Variants in CNTNAP3B observed in about 807,000 individuals in gnomAD.
CNTNAP3B encodes contactin-associated protein-like 3B.
In CNTNAP3B, 25 loss-of-function variants were observed where a neutral mutation model predicts 108.9. The observed-to-expected ratio is 0.23, with a 90% confidence interval of 0.17 to 0.32. The LOEUF is 0.32. Ranked by LOEUF, CNTNAP3B falls within the 10% of genes least tolerant of loss-of-function variation. The probability of loss-of-function intolerance (pLI) is 1.00; values close to 1 mark genes in which losing one functional copy is unlikely to be tolerated. For missense variants in CNTNAP3B, 252 were observed against 1,210.4 expected, an observed-to-expected ratio of 0.21 and a Z score of 11.75; for synonymous variants, 103 against 473.4, an observed-to-expected ratio of 0.22 and a Z score of 10.16.
At chr9:42,063,732 CTT>C (rs1019985886) in intron 3 of CNTNAP3B, among the ~76,000 whole-genome samples, 1 of 137,542 alleles carries the variant, frequency 7.3e-6, no homozygotes, top group Admixed American at 7.2e-5. Context: ...CTCTATATCT[CTT>C]TCTTTACAAT....
chr9:41,940,736 A>T (rs1587125817), intron 13 of CNTNAP3B, among the ~76,000 whole-genome samples: 1 of 151,960 alleles, frequency 6.6e-6, no homozygotes, highest in Non-Finnish European at 1.5e-5. Flanking sequence ...AATGGCGTGA[A>T]CCCGGGAGGC....
chr9:41,959,643 G>T (rs1234869820), intron 12 of CNTNAP3B, among the ~76,000 whole-genome samples: 1 of 152,308 alleles, frequency 6.6e-6, no homozygotes, highest in African/African-American at 2.4e-5. Flanking sequence ...GAACGCCTGT[G>T]TTTCTTTATC....
At chr9:42,055,336 G>A (rs1320471788) in intron 3 of CNTNAP3B, among the ~76,000 whole-genome samples, 1 of 135,502 alleles carries the variant, frequency 7.4e-6, no homozygotes, top group Non-Finnish European at 1.6e-5. Context: ...ATTTCAAATG[G>A]GAGAATATCT....
rs1313208567 is a variant in CNTNAP3B, at chr9:41,934,140, T to TAC, written c.2237+4102_2237+4103dup. On this transcript the variant is annotated intron_variant, in intron 14 of 23. Coordinates refer to ENST00000377561, the MANE Select transcript of CNTNAP3B (RefSeq NM_001201380.3). ...ATATATATACACACACATATATATA[T>TAC]ACACACACATATATATACACACACA... Among the ~76,000 whole-genome samples the TAC allele has an allele frequency of 3.4e-4, 38 of 113,378 alleles. 1 individual carries two copies. Among genetic ancestry groups the TAC allele is most frequent in the South Asian group, 3.1e-3 (12 of 3,812 alleles). The allele number at this position is 113,378 out of a possible 152,430, so 74.4% of individuals were successfully genotyped here. A position where few individuals can be genotyped will look rare whatever the true frequency, so the allele number is the denominator to read the frequency against.
chr9:41,949,275 G>A (rs1334560912), intron 13 of CNTNAP3B, among the ~76,000 whole-genome samples: 1,004 of 65,216 alleles, frequency 0.015, no homozygotes, highest in East Asian at 0.029. Context: ...GATATCTCAT[G>A]TTCATGGATT....
In CNTNAP3B at chr9:42,043,309, A is replaced by G. The variant is rs1826804922; in HGVS notation, c.391-29784T>C. Among the ~76,000 whole-genome samples, 4 of 103,928 alleles carry G rather than the reference A, an allele frequency of 3.8e-5. 2 individuals carry two copies. The South Asian group carries it at 1.2e-3, about 30-fold the overall frequency. The allele number at this position is 103,928 out of a possible 152,430, so 68.2% of individuals were successfully genotyped here. On this transcript the variant is annotated intron_variant, in intron 3 of 23. Coordinates refer to ENST00000377561, the MANE Select transcript of CNTNAP3B (RefSeq NM_001201380.3). ...TAGCCTCCCGAGTAGCTGGGATTAT[A>G]GATGCCTGCCACCAAGCCCAGCTAA...
intron 1 of CNTNAP3B, among the ~76,000 whole-genome samples, chr9:42,110,319 G>A (rs145699121): frequency 0.033 from 4,572 of 136,544 alleles, 1,077 homozygotes; most frequent in African/African-American, 0.13. Flanking sequence ...CCATGCTTGC[G>A]GCTGCACTTG....
intron 7 of CNTNAP3B, among the ~76,000 whole-genome samples, chr9:41,995,730 C>CAA (rs1167589988): frequency 0.054 from 3,583 of 66,306 alleles, 189 homozygotes; most frequent in South Asian, 0.11. Flanking sequence ...GACTCCGTCT[C>CAA]AAAAAAAAAA....
chr9:42,121,335 G>A lies in CNTNAP3B; in HGVS notation c.85+7675C>T, dbSNP rs1420455295. ...TTTTATGAGCTCACTTTCTAAAAGA[G>A]GCTACCTGCACAAACGCCCATCACA... is the stretch of plus-strand genomic sequence containing the variant. On this transcript the variant is annotated intron_variant, in intron 1 of 23. Transcript: ENST00000377561. Among the ~76,000 whole-genome samples, 2 of 139,136 alleles carry A rather than the reference G, an allele frequency of 1.4e-5. 1 individual carries two copies. Among genetic ancestry groups the A allele is most frequent in the Admixed American group, 1.4e-4 (2 of 13,934 alleles). 91.3% of individuals were successfully genotyped at this position (139,136 alleles called of 152,430 possible).
chr9:41,962,643 G>T (rs1795252612), intron 11 of CNTNAP3B, among the ~76,000 whole-genome samples: 1 of 142,052 alleles, frequency 7.0e-6, no homozygotes, highest in African/African-American at 2.7e-5. Context: ...GGTGTGAGAG[G>T]CCACTCAACT....
chr9:42,038,170 A>T (rs1826672113), intron 3 of CNTNAP3B, among the ~76,000 whole-genome samples: 1 of 122,956 alleles, frequency 8.1e-6, no homozygotes, highest in Non-Finnish European at 1.7e-5. Context: ...AGCCACTGCA[A>T]AAATATGCCA....
rs1320989328 is a variant in CNTNAP3B at position 42,095,207 on chromosome 9, A to G, written c.196+9422T>C. On this transcript the variant is annotated intron_variant, in intron 2 of 23. Transcript: ENST00000377561. The stretch of plus-strand genomic sequence containing the variant: ...TCTCCTCTAGCGTCTGGTAACCACC[A>G]TTCTACTCTCTACTTCTGTGAGCAC... Among the ~76,000 whole-genome samples the G allele has an allele frequency of 1.4e-5, 2 of 138,210 alleles. 1 individual carries two copies. Among genetic ancestry groups the G allele is most frequent in the Non-Finnish European group, 3.1e-5 (2 of 64,836 alleles). 90.7% of individuals were successfully genotyped at this position (138,210 alleles called of 152,430 possible).
chr9:42,078,678 G>T lies in CNTNAP3B; in HGVS notation c.197-1616C>A, dbSNP rs1056880235. ...ACACAGCTCTTGTTCAAAGTTAAAT[G>T]TTCTGCTATAGATCAGGGGCATCCT... On this transcript the variant is annotated intron_variant, in intron 2 of 23. Transcript: ENST00000377561. Among the ~76,000 whole-genome samples, 3 of 121,932 alleles carry T rather than the reference G, an allele frequency of 2.5e-5. 1 individual carries two copies. Among genetic ancestry groups the T allele is most frequent in the African/African-American group, 9.9e-5 (3 of 30,190 alleles). 80.0% of individuals were successfully genotyped at this position (121,932 alleles called of 152,430 possible). A position where few individuals can be genotyped will look rare whatever the true frequency, so the allele number is the denominator to read the frequency against.
chr9:42,112,946 G>A lies in CNTNAP3B; in HGVS notation c.86-8207C>T, dbSNP rs560916759. 5.4e-4 allele frequency among the ~76,000 whole-genome samples: 65 copies of A among 121,052 alleles called. 2 individuals are homozygous for A. The Middle Eastern group carries it at 0.016, about 29-fold the overall frequency. 79.4% of individuals were successfully genotyped at this position (121,052 alleles called of 152,430 possible). A position where few individuals can be genotyped will look rare whatever the true frequency, so the allele number is the denominator to read the frequency against. Reference sequence around the variant, plus strand: ...TTTTTTTTGTATTTTTAGTAGACACGGGGTTTCACCATGTTAGCCAAGATA... The same window carrying A: ...TTTTTTTTGTATTTTTAGTAGACACAGGGTTTCACCATGTTAGCCAAGATA... On this transcript the variant is annotated intron_variant, in intron 1 of 23. Coordinates refer to ENST00000377561, the MANE Select transcript of CNTNAP3B (RefSeq NM_001201380.3).
At chr9:41,918,044 T>C (rs1171555681) in intron 18 of CNTNAP3B, among the ~76,000 whole-genome samples, 1 of 152,306 alleles carries the variant, frequency 6.6e-6, no homozygotes, top group Non-Finnish European at 1.5e-5. Flanking sequence ...AGTTGTTTTT[T>C]AAAATAATAA....
intron 14 of CNTNAP3B, among the ~76,000 whole-genome samples, chr9:41,931,756 T>TGTG (rs1256373086): frequency 1.3e-5 from 2 of 148,474 alleles, no homozygotes; most frequent in African/African-American, 5.1e-5. Context: ...TTTTTATTAA[T>TGTG]GTGGTAGCCA....
chr9:42,047,312 G>T (rs1440862836), intron 3 of CNTNAP3B, among the ~76,000 whole-genome samples: 1 of 125,622 alleles, frequency 8.0e-6, no homozygotes, highest in African/African-American at 3.3e-5. Flanking sequence ...TTGAATGAAG[G>T]TAGAAAATTA....
intron 13 of CNTNAP3B, among the ~76,000 whole-genome samples, chr9:41,950,779 G>A (rs150714661): frequency 0.21 from 24,099 of 113,750 alleles, 11 homozygotes; most frequent in Middle Eastern, 0.29. Context: ...TTTTTGAGAC[G>A]GAACGGAGTC....
At chr9:41,968,882 C>T (rs544674463) in intron 10 of CNTNAP3B, among the ~76,000 whole-genome samples, 35 of 151,976 alleles carry the variant, frequency 2.3e-4, no homozygotes, top group East Asian at 5.8e-4. Context: ...CTGCAAGCTC[C>T]GCCTCCCGGG....
Sources: gnomAD v4.1 joint callset for allele counts (sites outside exome capture counted in the v4.1 genomes callset) on GRCh38, gnomAD v4.1.1 for gene constraint, MANE v1.5 for transcripts, NCBI Gene and HGNC (gene_info 2026-07-23, HGNC 2026-07-21) for gene names.